The following EYS variants were observed in gnomAD, a reference collection of about 807,000 sequenced individuals.
EYS encodes protein eyes shut homolog.
In EYS, 250 loss-of-function variants were observed where a neutral mutation model predicts 282.1. The ratio of observed to expected loss-of-function variants is 0.89; its 90% CI spans 0.80 to 0.98. EYS has a LOEUF of 0.98. Among genes scored for constraint, EYS ranks in the 50% least tolerant of loss-of-function variants. The probability of loss-of-function intolerance (pLI) is 0.00; values close to 1 mark genes in which losing one functional copy is unlikely to be tolerated. For synonymous variants in EYS, 1,355 were observed against 1,282.9 expected (o/e 1.06, Z -1.20); for missense variants, 4,016 against 3,709.0 (o/e 1.08, Z -2.15).
chr6:65,425,304 T>C lies in EYS; in HGVS notation c.863-19937A>G, dbSNP rs945077690. ...TAATATAGTCAATTTTAAATAGATA[T>C]AGTAAACGTGCAAAACAAGTAAAAT... On this transcript the variant is annotated intron_variant, in intron 5 of 42. Coordinates refer to ENST00000503581, the MANE Select transcript of EYS (RefSeq NM_001142800.2). Among the ~76,000 whole-genome samples, 91 of 152,212 alleles carry C rather than the reference T, an allele frequency of 6.0e-4. 1 individual carries two copies. The highest frequency in any genetic ancestry group is 2.2e-3 in the African/African-American group (90 of 41,558).
chr6:65,452,209 A>G (rs1764428890), intron 5 of EYS, among the ~76,000 whole-genome samples: 1 of 151,886 alleles, frequency 6.6e-6, no homozygotes, highest in Non-Finnish European at 1.5e-5. Context: ...ACTTTCTAAT[A>G]GTAAGATTAT....
chr6:65,181,159 T>C (rs185420310), intron 12 of EYS, among the ~76,000 whole-genome samples: 1 of 152,256 alleles, frequency 6.6e-6, no homozygotes, highest in Non-Finnish European at 1.5e-5. Context: ...AAGGACTTCA[T>C]GTCCAAAACA....
In EYS at chr6:63,720,523, CA is replaced by C; in HGVS notation, c.*72del. The C allele has an allele frequency of 9.1e-7, 1 of 1,096,016 alleles. No individual in the cohort carries two copies. The highest frequency in any genetic ancestry group is 1.3e-6 in the Non-Finnish European group (1 of 786,872). 67.9% of individuals were successfully genotyped at this position (1,096,016 alleles called of 1,614,324 possible). ...TAGTAAACAGTTGATTCCCCGTAAGCAATGTATCAAAGAAATAACTATCAAA... is the reference window on the plus strand; with the variant it reads ...TAGTAAACAGTTGATTCCCCGTAAGCATGTATCAAAGAAATAACTATCAAA... On this transcript the variant is annotated 3_prime_UTR_variant, in exon 43 of 43. Transcript: ENST00000503581.
chr6:64,501,647 C>A (rs1246461853), intron 26 of EYS, among the ~76,000 whole-genome samples: 2 of 151,970 alleles, frequency 1.3e-5, no homozygotes, highest in African/African-American at 4.8e-5. Flanking sequence ...TCGGAAATAC[C>A]CAAACTTTGG....
chr6:64,107,271 G>GTATATATATATATTTATATATATATA (rs1309992471), intron 31 of EYS, among the ~76,000 whole-genome samples: 28 of 99,922 alleles, frequency 2.8e-4, no homozygotes, highest in African/African-American at 6.5e-4. Flanking sequence ...GTGTGTGTGT[G>GTATATATATATATTTATATATATATA]TATATATATA....
chr6:64,267,538 G>A (rs1767802676), intron 30 of EYS, among the ~76,000 whole-genome samples: 2 of 151,944 alleles, frequency 1.3e-5, no homozygotes, highest in Admixed American at 6.6e-5. Context: ...GAATTCCACT[G>A]GCTTTAAAGA....
intron 30 of EYS, among the ~76,000 whole-genome samples, chr6:64,301,644 T>G (rs1267800795): frequency 6.6e-6 from 1 of 152,226 alleles, no homozygotes; most frequent in East Asian, 1.9e-4. Context: ...TGAAGCAGTA[T>G]TGCCATTATC....
At chr6:64,957,486 T>C (rs1769750215) in intron 14 of EYS, among the ~76,000 whole-genome samples, 1 of 151,536 alleles carries the variant, frequency 6.6e-6, no homozygotes, top group Admixed American at 6.6e-5. Flanking sequence ...AAAAAAAAAA[T>C]TAGGGAGAAC....
intron 32 of EYS, among the ~76,000 whole-genome samples, chr6:64,080,403 G>T (rs920672151): frequency 6.6e-6 from 1 of 152,096 alleles, no homozygotes; most frequent in Non-Finnish European, 1.5e-5. Flanking sequence ...TGTTGATGGG[G>T]TTGTTTGTTT....
chr6:65,270,293 C>T (rs954085261), intron 12 of EYS, among the ~76,000 whole-genome samples: 2 of 152,176 alleles, frequency 1.3e-5, no homozygotes, highest in Non-Finnish European at 2.9e-5. Context: ...AAGGATAATT[C>T]TCTTTGGCTA....
intron 8 of EYS, 62 bp from the exon 9 acceptor site, chr6:65,353,679 A>G (rs565555497): frequency 5.7e-6 from 8 of 1,403,590 alleles, no homozygotes; most frequent in South Asian, 4.8e-5. Flanking sequence ...CAATATATAC[A>G]TATAACATAA....
In EYS at chr6:64,307,168, A is replaced by G. The variant is rs1460237399; in HGVS notation, c.6079-86T>C. On this transcript the variant is annotated intron_variant, in intron 29 of 42. Transcript: ENST00000503581. ...ATTCTTGCTTCAAACTGGTCAGGGT[A>G]TGCAACTGGATTTGGAGGCTGATTT... The G allele has an allele frequency of 1.4e-5, 9 of 660,158 alleles. No homozygotes were observed. The African/African-American group carries it at 1.5e-4, about 11-fold the overall frequency. The allele number at this position is 660,158 out of a possible 1,614,324, so 40.9% of individuals were successfully genotyped here. A position where few individuals can be genotyped will look rare whatever the true frequency, so the allele number is the denominator to read the frequency against.
chr6:64,986,241 A>G (rs1021308860), intron 14 of EYS, among the ~76,000 whole-genome samples: 2 of 151,562 alleles, frequency 1.3e-5, no homozygotes, highest in Non-Finnish European at 3.0e-5. Flanking sequence ...CAGGCTTATT[A>G]TTCAAAGAAA....
At chr6:64,224,057 C>A (rs1055723029) in intron 31 of EYS, among the ~76,000 whole-genome samples, 2 of 151,926 alleles carry the variant, frequency 1.3e-5, no homozygotes, top group African/African-American at 2.4e-5. Context: ...AGAATGGAAC[C>A]TTTACTGTGA....
At chr6:64,391,138 T>C (rs1773118339) in intron 28 of EYS, among the ~76,000 whole-genome samples, 1 of 152,088 alleles carries the variant, frequency 6.6e-6, no homozygotes, top group African/African-American at 2.4e-5. Context: ...AAAGACCAAA[T>C]CTACGACTGA....
chr6:65,631,096 A>G (rs1024840655), intron 2 of EYS, among the ~76,000 whole-genome samples: 2 of 152,206 alleles, frequency 1.3e-5, no homozygotes, highest in Admixed American at 6.5e-5. Context: ...TAAACCTCTA[A>G]TTCGCAGGAA....
rs1337711990 is a variant in EYS, at chr6:65,292,936, G to T, written c.2023+2927C>A. Among the ~76,000 whole-genome samples, 5 of 151,640 alleles carry T rather than the reference G, an allele frequency of 3.3e-5. No homozygotes were observed. The East Asian group carries it at 9.7e-4, about 29-fold the overall frequency. ...AGTCAAATTTATAATATATAAGATT[G>T]TATCAGAAAAGGAGTTTGCTTTAGG... On this transcript the variant is annotated intron_variant, in intron 12 of 42. Transcript: ENST00000503581.
chr6:65,395,971 A>AT (rs1766265202), intron 7 of EYS, among the ~76,000 whole-genome samples: 1 of 152,152 alleles, frequency 6.6e-6, no homozygotes, highest in Admixed American at 6.6e-5. Flanking sequence ...TGGCTGATTC[A>AT]TTTCACTTAG....
rs1769605722 is a variant in EYS at position 64,309,816 on chromosome 6, T to C, written c.6079-2734A>G. Among the ~76,000 whole-genome samples the C allele has an allele frequency of 2.0e-5, 3 of 151,810 alleles. No homozygotes were observed. The South Asian group carries it at 6.2e-4, about 32-fold the overall frequency. On this transcript the variant is annotated intron_variant, in intron 29 of 42. Transcript: ENST00000503581. ...CCTGTCTCAACTAAAAATACAAAAC[T>C]TAGCTGGGCATGGTGGTGCACACCT...
Sources: allele counts gnomAD v4.1 joint callset (sites outside exome capture counted in the v4.1 genomes callset), GRCh38; gene constraint gnomAD v4.1.1; transcripts MANE v1.5; gene names NCBI Gene and HGNC (gene_info 2026-07-23, HGNC 2026-07-21).